The following DST variants were observed in gnomAD, a reference collection of about 807,000 sequenced individuals.
DST encodes the protein dystonin.
In DST, 253 loss-of-function variants were observed where a neutral mutation model predicts 875.2. The ratio of observed to expected loss-of-function variants is 0.29; its 90% confidence interval spans 0.26 to 0.32. The LOEUF is 0.32. Among genes scored for constraint, DST ranks in the 10% least tolerant of loss-of-function variants. DST has a pLI of 1.00. For synonymous variants in DST, 3,124 were observed against 3,197.1 expected (o/e 0.98, Z 0.77); for missense variants, 8,287 against 9,111.6 (o/e 0.91, Z 3.68).
chr6:56,905,982 A>G (rs2127704578), intron 2 of DST, among the ~76,000 whole-genome samples: 1 of 152,142 alleles, frequency 6.6e-6, no homozygotes, highest in South Asian at 2.1e-4. Flanking sequence ...TCATCTCTCC[A>G]CGGACATTTA....
intron 36 of DST, chr6:56,619,305 CTACTT>C (rs1563234942): frequency 1.2e-6 from 2 of 1,612,096 alleles, no homozygotes; most frequent in Non-Finnish European, 1.7e-6. Flanking sequence ...GTAAGCTCCT[CTACTT>C]TTTGTTTTAG....
In DST at chr6:56,633,233, C is replaced by CTTTTTTTTTTTTTT. The variant is rs61647189; in HGVS notation, c.3622-197_3622-196insAAAAAAAAAAAAAA. ...TTTTGTTTTGAGACGGAGTTTCACTCTTTTTTTTTTTGAGACGGAGTCTCG... is the reference window on the plus strand; with the variant it reads ...TTTTGTTTTGAGACGGAGTTTCACTCTTTTTTTTTTTTTTTTTTTTTTTTTGAGACGGAGTCTCG... On this transcript the variant is annotated intron_variant, in intron 27 of 103. Coordinates refer to ENST00000680361, the MANE Select transcript of DST (RefSeq NM_001374736.1). Among the ~76,000 whole-genome samples the CTTTTTTTTTTTTTT allele has an allele frequency of 8.1e-4, 112 of 138,686 alleles. 3 individuals carry two copies. The highest frequency in any genetic ancestry group is 3.2e-3 in the African/African-American group (105 of 32,886). 91.0% of individuals were successfully genotyped at this position (138,686 alleles called of 152,430 possible).
chr6:56,580,136 AAATT>A lies in DST; in HGVS notation c.12904-1203_12904-1200del, dbSNP rs558481367. On this transcript the variant is annotated intron_variant, in intron 49 of 103. Coordinates refer to ENST00000680361, the MANE Select transcript of DST (RefSeq NM_001374736.1). ...CAACTACAGGTAGCTTTTAAAATTT[AAATT>A]AATTGAAATTTTAAACAATTAAAAA... Among the ~76,000 whole-genome samples, 467 of 152,330 alleles carry A rather than the reference AAATT, an allele frequency of 3.1e-3. 1 individual carries two copies. Among genetic ancestry groups the A allele is most frequent in the African/African-American group, 0.011 (441 of 41,568 alleles).
At chr6:56,854,317 A>C (rs1324166147) in intron 3 of DST, among the ~76,000 whole-genome samples, 2 of 152,096 alleles carry the variant, frequency 1.3e-5, no homozygotes, top group Non-Finnish European at 2.9e-5. Context: ...GGGGCTTAGA[A>C]AGGTAGGACA....
At chr6:56,760,768 T>C (rs774253365) in intron 4 of DST, among the ~76,000 whole-genome samples, 41 of 152,346 alleles carry the variant, frequency 2.7e-4, no homozygotes, top group Non-Finnish European at 1.3e-4. Flanking sequence ...TTGTTTTGAG[T>C]ACTTTTCATG....
At position 56,463,540 on chromosome 6, in the gene DST, GAA is replaced by G. The variant is rs1210321000; in HGVS notation, c.22959+23_22959+24del. On this transcript the variant is annotated intron_variant, in intron 101 of 103. Transcript: ENST00000680361. Reference sequence around the variant, plus strand: ...TGGGACATTGATTGCAAAGGTGGAGGAAAAGTCTTCATCCTGAGTCTTACCTT... The same window carrying G: ...TGGGACATTGATTGCAAAGGTGGAGGAAGTCTTCATCCTGAGTCTTACCTT... 2.6e-6 allele frequency: 4 copies of G among 1,530,670 alleles called. No homozygotes were observed. The East Asian group carries it at 9.0e-5, about 35-fold the overall frequency. The allele number at this position is 1,530,670 out of a possible 1,614,324, so 94.8% of individuals were successfully genotyped here.
intron 4 of DST, among the ~76,000 whole-genome samples, chr6:56,764,102 C>CACACAT (rs1265862527): frequency 6.8e-6 from 1 of 146,556 alleles, no homozygotes; most frequent in African/African-American, 2.7e-5. Flanking sequence ...CACATGCACA[C>CACACAT]ACACACACAC....
chr6:56,651,512 ATGAG>A (rs1454499160), intron 10 of DST, among the ~76,000 whole-genome samples: 2 of 152,230 alleles, frequency 1.3e-5, no homozygotes, highest in African/African-American at 4.8e-5. Context: ...CAGAATATAT[ATGAG>A]TATTTGTCCT....
At chr6:56,643,598 T>C (rs189156557) in intron 15 of DST, among the ~76,000 whole-genome samples, 35 of 152,348 alleles carry the variant, frequency 2.3e-4, no homozygotes, top group Non-Finnish European at 4.6e-4. Flanking sequence ...CACATAGCTA[T>C]TACTCGCAAT....
At chr6:56,690,360 C>T (rs1198441294) in intron 9 of DST, among the ~76,000 whole-genome samples, 1 of 152,036 alleles carries the variant, frequency 6.6e-6, no homozygotes, top group Non-Finnish European at 1.5e-5. Context: ...CCTACTTATC[C>T]TAATAAAAAT....
At chr6:56,675,646 G>T (rs948776096) in intron 9 of DST, among the ~76,000 whole-genome samples, 5 of 152,194 alleles carry the variant, frequency 3.3e-5, no homozygotes, top group African/African-American at 4.8e-5. Flanking sequence ...GAGGTCAGGA[G>T]ATCGAGACCA....
intron 4 of DST, among the ~76,000 whole-genome samples, chr6:56,813,453 A>C (rs1309971097): frequency 6.6e-6 from 1 of 152,144 alleles, no homozygotes; most frequent in Non-Finnish European, 1.5e-5. Flanking sequence ...TTCGATGTTA[A>C]TATACTTAAT....
intron 87 of DST, among the ~76,000 whole-genome samples, chr6:56,486,272 A>G (rs1433489103): frequency 2.0e-5 from 3 of 146,416 alleles, no homozygotes; most frequent in Non-Finnish European, 4.5e-5. Flanking sequence ...CTGAGGCAGG[A>G]GAATGGCGTG....
intron 54 of DST, among the ~76,000 whole-genome samples, chr6:56,569,440 C>T (rs1311869936): frequency 6.6e-6 from 1 of 151,764 alleles, no homozygotes; most frequent in Non-Finnish European, 1.5e-5. Flanking sequence ...GACTTGTGCA[C>T]TATTTATGCA....
At chr6:56,686,682 G>A (rs1201328197) in intron 9 of DST, among the ~76,000 whole-genome samples, 4 of 152,112 alleles carry the variant, frequency 2.6e-5, no homozygotes, top group South Asian at 2.1e-4. Context: ...GGATCACAGC[G>A]GGAGGGAAGG....
chr6:56,645,708 T>A (rs2098938396), intron 15 of DST, among the ~76,000 whole-genome samples, 158 bp downstream of exon 15: 1 of 152,128 alleles, frequency 6.6e-6, no homozygotes, highest in Non-Finnish European at 1.5e-5. Context: ...CTCCTTAAAA[T>A]CTCTTAGAAG....
At chr6:56,521,888 T>C (rs2096714992) in intron 69 of DST, among the ~76,000 whole-genome samples, 1 of 151,968 alleles carries the variant, frequency 6.6e-6, no homozygotes, top group Non-Finnish European at 1.5e-5. Flanking sequence ...ATACACTAGG[T>C]CAAATTTTAG....
At chr6:56,816,754 C>T (rs1358550268) in intron 4 of DST, among the ~76,000 whole-genome samples, 1 of 151,754 alleles carries the variant, frequency 6.6e-6, no homozygotes, top group African/African-American at 2.4e-5. Flanking sequence ...CCCTTAATTT[C>T]AAATTTCCTA....
chr6:56,951,151 T>A (rs1322686465), intron 2 of DST, among the ~76,000 whole-genome samples: 3 of 152,190 alleles, frequency 2.0e-5, no homozygotes, highest in Admixed American at 1.3e-4. Context: ...CCAGAAGCAA[T>A]ACATTCTGCC....
Sources: allele counts gnomAD v4.1 joint callset (sites outside exome capture counted in the v4.1 genomes callset), GRCh38; gene constraint gnomAD v4.1.1; transcripts MANE v1.5; gene names NCBI Gene and HGNC (gene_info 2026-07-23, HGNC 2026-07-21).